Variants in PRDM16 observed in about 807,000 individuals in gnomAD.
PRDM16 encodes the protein PR/SET domain 16.
A neutral mutation model predicts 110.6 loss-of-function variants in PRDM16; 23 were observed. That is an observed-to-expected ratio of 0.21 (90% CI 0.15 to 0.29). The LOEUF is 0.29. Ranked by LOEUF, PRDM16 falls within the 10% of genes least tolerant of loss-of-function variation. PRDM16 has a pLI of 1.00. For missense variants in PRDM16, 1,615 were observed against 1,794.3 expected, an observed-to-expected ratio of 0.90 and a Z score of 1.81; for synonymous variants, 799 against 781.8, an observed-to-expected ratio of 1.02 and a Z score of -0.37.
chr1:3,249,698 G>T (rs1330764299), intron 3 of PRDM16, among the ~76,000 whole-genome samples: 2 of 152,212 alleles, frequency 1.3e-5, no homozygotes, highest in Non-Finnish European at 2.9e-5. Flanking sequence ...GATAATCTCA[G>T]CCTGAATAGA....
chr1:3,291,466 A>G (rs1437266361), intron 3 of PRDM16, among the ~76,000 whole-genome samples: 2 of 152,188 alleles, frequency 1.3e-5, no homozygotes, highest in African/African-American at 2.4e-5. Flanking sequence ...AGATACCCCA[A>G]TAAACACCAT....
chr1:3,128,356 G>A (rs768875068), intron 1 of PRDM16, among the ~76,000 whole-genome samples: 1 of 152,180 alleles, frequency 6.6e-6, no homozygotes, highest in Admixed American at 6.5e-5. Context: ...TTTTATCCCA[G>A]TTAAAGTGGC....
intron 3 of PRDM16, among the ~76,000 whole-genome samples, chr1:3,334,203 T>G (rs1274462834): frequency 6.6e-6 from 1 of 152,128 alleles, no homozygotes; most frequent in Non-Finnish European, 1.5e-5. Flanking sequence ...TACCAGGCCT[T>G]GAGCTTTCAG....
At chr1:3,074,386 T>C (rs1641842387) in intron 1 of PRDM16, among the ~76,000 whole-genome samples, 1 of 152,130 alleles carries the variant, frequency 6.6e-6, no homozygotes, top group African/African-American at 2.4e-5. Context: ...CACCACAGGC[T>C]GCCGTTAATT....
chr1:3,330,425 A>C (rs1224321722), intron 3 of PRDM16, among the ~76,000 whole-genome samples: 1 of 152,352 alleles, frequency 6.6e-6, no homozygotes, highest in African/African-American at 2.4e-5. Flanking sequence ...GGACAAAATA[A>C]TGCCAATGAC....
In PRDM16 at chr1:3,201,157, G is replaced by A. The variant is rs952872596; in HGVS notation, c.387+14683G>A. Among the ~76,000 whole-genome samples, 9 of 152,176 alleles carry A rather than the reference G, an allele frequency of 5.9e-5. No homozygotes were observed. The South Asian group carries it at 6.2e-4, about 11-fold the overall frequency. Reference sequence around the variant, plus strand: ...AGCATAGACCACGCTGCCTTCTTTTGAGGAGGACAGGGATGGAAAAAGGGG... The same window carrying A: ...AGCATAGACCACGCTGCCTTCTTTTAAGGAGGACAGGGATGGAAAAAGGGG... On this transcript the variant is annotated intron_variant, in intron 2 of 16. Coordinates refer to ENST00000270722, the MANE Select transcript of PRDM16 (RefSeq NM_022114.4). This position sits in a 1 kb window ranked among gnomAD's most constrained non-coding sequence, Gnocchi z 4.1.
In PRDM16 at chr1:3,433,912, C is replaced by T. The variant is rs930673048; in HGVS notation, c.*101C>T. 2.6e-4 allele frequency: 312 copies of T among 1,198,272 alleles called. No homozygotes were observed. Among genetic ancestry groups the T allele is most frequent in the Non-Finnish European group, 3.5e-4 (303 of 854,922 alleles). The allele number at this position is 1,198,272 out of a possible 1,614,324, so 74.2% of individuals were successfully genotyped here. On this transcript the variant is annotated 3_prime_UTR_variant, in exon 17 of 17. Transcript: ENST00000270722. ...AGAACCCTGTCCCTGCGTGTGGCCA[C>T]TCCTCAGCATCCTCCCCACCCACCA...
chr1:3,418,727 T>C lies in PRDM16; in HGVS notation c.2922T>C (p.Thr974=), dbSNP rs758316924. 2.0e-5 allele frequency: 32 copies of C among 1,599,716 alleles called. No homozygotes were observed. Among genetic ancestry groups the C allele is most frequent in the Non-Finnish European group, 2.7e-5 (32 of 1,171,882 alleles). ...ANLTRHLRTH[T]GEQPYRCKYC... is the part of the protein sequence containing the mutation. The stretch of plus-strand genomic sequence containing the variant: ...TCACCAGACACCTGAGGACGCACAC[T>C]GGGGAGCAGCCGTACAGGTAGGTGC... Residue 974 remains threonine, a synonymous_variant, in exon 12 of 17, where the codon ACT becomes ACC. Coordinates refer to ENST00000270722, the MANE Select transcript of PRDM16 (RefSeq NM_022114.4).
At chr1:3,099,790 C>G (rs77922993) in intron 1 of PRDM16, among the ~76,000 whole-genome samples, 2,437 of 152,320 alleles carry the variant, frequency 0.016, 33 homozygotes, top group Non-Finnish European at 0.024. Flanking sequence ...ACACTCCCAG[C>G]GTCCCTTATA....
Position 3,190,983 on chromosome 1 carries a change from G to A in PRDM16, c.387+4509G>A, listed in dbSNP as rs60330317. The stretch of plus-strand genomic sequence containing the variant: ...CCTGCAGCTTGGGGCCTGCTGGGGC[G>A]GGATCCCGCAGGACCCCCAGGGGAG... On this transcript the variant is annotated intron_variant, in intron 2 of 16. Coordinates refer to ENST00000270722, the MANE Select transcript of PRDM16 (RefSeq NM_022114.4). This position sits in a 1 kb window ranked among gnomAD's most constrained non-coding sequence, Gnocchi z 5.0. Among the ~76,000 whole-genome samples, 40,994 of 151,906 alleles carry A rather than the reference G, an allele frequency of 0.27. 6,534 individuals carry two copies. Among genetic ancestry groups the A allele is most frequent in the African/African-American group, 0.45 (18,669 of 41,416 alleles).
intron 1 of PRDM16, among the ~76,000 whole-genome samples, chr1:3,082,481 A>C (rs533834330): frequency 1.3e-5 from 2 of 152,168 alleles, no homozygotes; most frequent in Non-Finnish European, 2.9e-5. Flanking sequence ...ATTCCCAAGG[A>C]GCCCCTGAGC....
chr1:3,232,349 C>T (rs1354961568), intron 2 of PRDM16, among the ~76,000 whole-genome samples: 1 of 152,238 alleles, frequency 6.6e-6, no homozygotes, highest in East Asian at 1.9e-4. Context: ...CCTAACCTCT[C>T]TGAGCCTCAG....
chr1:3,279,792 C>T (rs1433415584), intron 3 of PRDM16, among the ~76,000 whole-genome samples: 4 of 151,678 alleles, frequency 2.6e-5, no homozygotes, highest in South Asian at 2.1e-4. Context: ...CCAGAGCCTG[C>T]GGGGGGGTGG....
chr1:3,142,434 C>A (rs1192865560), intron 1 of PRDM16, among the ~76,000 whole-genome samples: 1 of 152,144 alleles, frequency 6.6e-6, no homozygotes, highest in Non-Finnish European at 1.5e-5. Context: ...CAGTGTGGTC[C>A]TCAGCTGCTC....
rs888261878 is a variant in PRDM16, at chr1:3,244,924, G to A, written c.438+787G>A. Among the ~76,000 whole-genome samples the A allele has an allele frequency of 6.6e-6, 1 of 152,204 alleles. No individual in the cohort carries two copies. Among genetic ancestry groups the A allele is most frequent in the African/African-American group, 2.4e-5 (1 of 41,446 alleles). ...CCACAGACACAGCACGCTCACACGT[G>A]GTGGCTGATCTCCTATTTTTTGGGG... On this transcript the variant is annotated intron_variant, in intron 3 of 16. Transcript: ENST00000270722. This position sits in a 1 kb window ranked among gnomAD's most constrained non-coding sequence, Gnocchi z 4.1.
chr1:3,087,601 C>T (rs1036882228), intron 1 of PRDM16, among the ~76,000 whole-genome samples: 9 of 152,116 alleles, frequency 5.9e-5, no homozygotes, highest in African/African-American at 1.9e-4. Context: ...TTTCCCTATC[C>T]GCAGATGCAT....
intron 3 of PRDM16, among the ~76,000 whole-genome samples, chr1:3,259,514 C>G (rs1640117569): frequency 6.6e-6 from 1 of 152,190 alleles, no homozygotes. Flanking sequence ...TCCACATAAT[C>G]ATGAGAAAAC....
chr1:3,132,093 A>G (rs989761860), intron 1 of PRDM16, among the ~76,000 whole-genome samples: 2 of 152,150 alleles, frequency 1.3e-5, no homozygotes, highest in Admixed American at 6.5e-5. Flanking sequence ...CAGGGGCTCA[A>G]TGGGGCATTA....
rs942345717 is a variant in PRDM16, at chr1:3,435,588, G to C, written c.*1777G>C. 2 of 230,490 alleles carry C rather than the reference G, an allele frequency of 8.7e-6. No individual in the cohort carries two copies. The highest frequency in any genetic ancestry group is 2.2e-5 in the African/African-American group (1 of 44,656). The allele number at this position is 230,490 out of a possible 1,614,324, so 14.3% of individuals were successfully genotyped here. On this transcript the variant is annotated 3_prime_UTR_variant, in exon 17 of 17. Transcript: ENST00000270722. ...AAAAGAAGAGAAAAAAAATGCCCAA[G>C]TTGCCCTTTAAAAAAAAAGAGCGTA...
Sources: allele counts gnomAD v4.1 joint callset (sites outside exome capture counted in the v4.1 genomes callset), GRCh38; gene constraint gnomAD v4.1.1; non-coding constraint Gnocchi (gnomAD v3.1); transcripts MANE v1.5; gene names NCBI Gene and HGNC (gene_info 2026-07-23, HGNC 2026-07-21).